The following PTPRO variants were observed in gnomAD, a reference collection of about 807,000 sequenced individuals.
The protein encoded by PTPRO is protein tyrosine phosphatase receptor type O.
In PTPRO, 62 loss-of-function variants were observed where a neutral mutation model predicts 145.2. That is an observed-to-expected ratio of 0.43 (90% confidence interval 0.35 to 0.53). PTPRO has a LOEUF of 0.53. Ranked by LOEUF, PTPRO falls within the 20% of genes least tolerant of loss-of-function variation. The probability of loss-of-function intolerance (pLI) is 0.01; values close to 1 mark genes in which losing one functional copy is unlikely to be tolerated. For missense variants in PTPRO, 1,345 were observed against 1,482.7 expected (o/e 0.91, Z 1.53); for synonymous variants, 565 against 514.7 (o/e 1.10, Z -1.32).
chr12:15,516,827 G>T lies in PTPRO; in HGVS notation c.1650G>T (p.Trp550Cys). Reference protein sequence around the residue: ...PLGPTAVVLSWTRPYLGVFRK... With the variant: ...PLGPTAVVLSCTRPYLGVFRK... ...GTCCTACGGCCGTGGTTCTGAGCTG[G>T]ACCAGACCTTATTTAGGCGTGTTCA... Residue 550 changes from tryptophan to cysteine, a missense_variant, in exon 9 of 27, where the codon TGG becomes TGT. Physicochemically the swap from Trp to Cys is radical, Grantham distance 215 (BLOSUM62 -2). Transcript: ENST00000281171. The T allele has an allele frequency of 6.2e-7, 1 of 1,612,462 alleles. No individual in the cohort carries two copies. The highest frequency in any genetic ancestry group is 8.5e-7 in the Non-Finnish European group (1 of 1,178,474).
Position 15,331,962 on chromosome 12 carries a change from CTTTTTTTT to C in PTPRO, c.75+9174_75+9181del, listed in dbSNP as rs200334215. 5.9e-3 allele frequency among the ~76,000 whole-genome samples: 692 copies of C among 118,266 alleles called. 2 individuals are homozygous for C. The highest frequency in any genetic ancestry group is 9.6e-3 in the African/African-American group (313 of 32,636). 77.6% of individuals were successfully genotyped at this position (118,266 alleles called of 152,430 possible). ...GTATCCTTTTTGTTTCTCTTTCTTT[CTTTTTTTT>C]TTTTTTTTTTTTGACAGAGTCTTGT... On this transcript the variant is annotated intron_variant, in intron 1 of 26. Transcript: ENST00000281171.
chr12:15,533,537 G>A (rs971162884), intron 12 of PTPRO, among the ~76,000 whole-genome samples: 8 of 152,194 alleles, frequency 5.3e-5, no homozygotes, highest in South Asian at 4.1e-4. Flanking sequence ...TTGAAATTGC[G>A]GACCTCAAAG....
In PTPRO at chr12:15,322,512, A is replaced by G. The variant is rs1866323135; in HGVS notation, c.-215A>G. ...ATCCCCACCCTCTCCATCCTTAGTCATTAAAGAACAGCAGCGCCTGGCACG... is the reference window on the plus strand; with the variant it reads ...ATCCCCACCCTCTCCATCCTTAGTCGTTAAAGAACAGCAGCGCCTGGCACG... On this transcript the variant is annotated 5_prime_UTR_variant, in exon 1 of 27. Transcript: ENST00000281171. This position sits in a 1 kb window ranked among gnomAD's most constrained non-coding sequence, Gnocchi z 6.3. 4.9e-6 allele frequency: 3 copies of G among 610,124 alleles called. No homozygotes were observed. In the South Asian group the frequency reaches 5.6e-5, roughly 11 times the overall value. The allele number at this position is 610,124 out of a possible 1,614,324, so 37.8% of individuals were successfully genotyped here. A position where few individuals can be genotyped will look rare whatever the true frequency, so the allele number is the denominator to read the frequency against.
chr12:15,345,232 C>T (rs1052104509), intron 1 of PTPRO, among the ~76,000 whole-genome samples: 2 of 152,144 alleles, frequency 1.3e-5, no homozygotes, highest in African/African-American at 2.4e-5. Flanking sequence ...CTATACAATA[C>T]AAAACTGAAT....
At chr12:15,464,395 C>T (rs1483513458) in intron 1 of PTPRO, among the ~76,000 whole-genome samples, 8 of 135,564 alleles carry the variant, frequency 5.9e-5, no homozygotes, top group African/African-American at 2.0e-4. Flanking sequence ...CACTCTGTCA[C>T]CCAGGCTGGT....
At chr12:15,360,735 A>G (rs1938150701) in intron 1 of PTPRO, among the ~76,000 whole-genome samples, 1 of 149,842 alleles carries the variant, frequency 6.7e-6, no homozygotes, top group Non-Finnish European at 1.5e-5. Context: ...ATAAGTTAAA[A>G]CACACACACT....
In PTPRO at chr12:15,533,483, A is replaced by G. The variant is rs111361892; in HGVS notation, c.2164+7221A>G. ...AGCCCTTTCCATTTTATATAACACA[A>G]TGCCTGAACACCTATAACTGCTTAA... On this transcript the variant is annotated intron_variant, in intron 12 of 26. Coordinates refer to ENST00000281171, the MANE Select transcript of PTPRO (RefSeq NM_030667.3). Among the ~76,000 whole-genome samples, 63 of 152,330 alleles carry G rather than the reference A, an allele frequency of 4.1e-4. 1 individual carries two copies. The highest frequency in any genetic ancestry group is 1.5e-3 in the African/African-American group (63 of 41,582).
Position 15,322,854 on chromosome 12 carries a change from T to C in PTPRO, c.75+53T>C. 1.3e-6 allele frequency: 2 copies of C among 1,561,960 alleles called. No individual in the cohort carries two copies. The highest frequency in any genetic ancestry group is 1.2e-5 in the South Asian group (1 of 86,828). ...CCAGCGGTCCGGGCGGCAGCCGCGC[T>C]CCGGCGCCCTCGCTCTGCCGTTGGG... On this transcript the variant is annotated intron_variant, in intron 1 of 26. Transcript: ENST00000281171. This position sits in a 1 kb window ranked among gnomAD's most constrained non-coding sequence, Gnocchi z 6.3.
At chr12:15,402,255 G>A (rs1939515870) in intron 1 of PTPRO, among the ~76,000 whole-genome samples, 1 of 152,116 alleles carries the variant, frequency 6.6e-6, no homozygotes. Flanking sequence ...GGGCATGGTG[G>A]TGTGTGCCTG....
intron 25 of PTPRO, among the ~76,000 whole-genome samples, chr12:15,593,649 C>A (rs1944598534): frequency 6.6e-6 from 1 of 152,118 alleles, no homozygotes; most frequent in African/African-American, 2.4e-5. Context: ...ATTAAAGATA[C>A]ACTATTGCAT....
At chr12:15,407,594 A>C (rs1939682607) in intron 1 of PTPRO, among the ~76,000 whole-genome samples, 1 of 149,702 alleles carries the variant, frequency 6.7e-6, no homozygotes, top group Non-Finnish European at 1.5e-5. Flanking sequence ...GTATTGTGTA[A>C]CCAGCTTATG....
chr12:15,576,897 G>A (rs569255819), intron 19 of PTPRO, among the ~76,000 whole-genome samples: 9 of 152,168 alleles, frequency 5.9e-5, no homozygotes, highest in South Asian at 2.1e-4. Context: ...TTCTAAAGGA[G>A]GTAGATTTCT....
chr12:15,504,124 G>A, intron 6 of PTPRO, 55 bp downstream of exon 6: 2 of 1,531,628 alleles, frequency 1.3e-6, no homozygotes, highest in African/African-American at 2.7e-5. Context: ...CAATGGAACT[G>A]GTGGGATTAA....
intron 1 of PTPRO, among the ~76,000 whole-genome samples, chr12:15,360,968 A>G (rs995235646): frequency 2.9e-4 from 43 of 148,938 alleles, no homozygotes; most frequent in African/African-American, 9.8e-4. Flanking sequence ...ACACATATAT[A>G]CACACGTATA....
chr12:15,536,544 C>T (rs902036754), intron 12 of PTPRO, among the ~76,000 whole-genome samples: 2 of 152,116 alleles, frequency 1.3e-5, no homozygotes, highest in South Asian at 2.1e-4. Flanking sequence ...GGGAACAGAC[C>T]GTGTAGGGTC....
At chr12:15,371,081 T>C (rs1298606732) in intron 1 of PTPRO, among the ~76,000 whole-genome samples, 1 of 152,172 alleles carries the variant, frequency 6.6e-6, no homozygotes, top group Non-Finnish European at 1.5e-5. Context: ...AGATCAGCTT[T>C]TTCTAGTTAG....
At chr12:15,439,038 T>A (rs1426856255) in intron 1 of PTPRO, among the ~76,000 whole-genome samples, 2 of 152,050 alleles carry the variant, frequency 1.3e-5, no homozygotes, top group Non-Finnish European at 2.9e-5. Context: ...AGAGGACAGA[T>A]CATGTACAAA....
intron 12 of PTPRO, among the ~76,000 whole-genome samples, chr12:15,527,710 G>A (rs1217960836): frequency 6.6e-6 from 1 of 152,224 alleles, no homozygotes; most frequent in East Asian, 1.9e-4. Context: ...ACCTAGAGCT[G>A]AAATGTAGGC....
intron 1 of PTPRO, among the ~76,000 whole-genome samples, chr12:15,397,786 A>G (rs970554382): frequency 3.9e-5 from 6 of 152,220 alleles, no homozygotes; most frequent in Non-Finnish European, 7.3e-5. Flanking sequence ...GTAGGGAGAT[A>G]TAGATAAATG....
Sources: allele counts gnomAD v4.1 joint callset (sites outside exome capture counted in the v4.1 genomes callset), GRCh38; gene constraint gnomAD v4.1.1; non-coding constraint Gnocchi (gnomAD v3.1); transcripts MANE v1.5; gene names NCBI Gene and HGNC (gene_info 2026-07-23, HGNC 2026-07-21).